Variants in RBKS observed in about 807,000 individuals in gnomAD.
RBKS encodes the protein ribokinase.
In RBKS, 33 loss-of-function variants were observed where a neutral mutation model predicts 33.9. The observed-to-expected ratio is 0.97, with a 90% CI of 0.74 to 1.30. The LOEUF (loss-of-function observed/expected upper bound fraction) is 1.30, where lower values mean the gene tolerates loss of function less well. Among genes scored for constraint, RBKS ranks in the 50% most tolerant of loss-of-function variants. The probability of loss-of-function intolerance (pLI) is 0.00; values close to 1 mark genes in which losing one functional copy is unlikely to be tolerated. For missense variants in RBKS, 361 were observed against 392.6 expected (o/e 0.92, Z 0.68); for synonymous variants, 125 against 143.0 (o/e 0.87, Z 0.90).
intron 7 of RBKS, among the ~76,000 whole-genome samples, chr2:27,819,861 T>C (rs973635030): frequency 6.6e-6 from 1 of 152,206 alleles, no homozygotes; most frequent in African/African-American, 2.4e-5. Flanking sequence ...TGAGGAATGG[T>C]TTCTTTAAAA....
At position 27,781,518 on chromosome 2, in the gene RBKS, A is replaced by G. The variant is rs1401372926; in HGVS notation, c.*97T>C. The G allele has an allele frequency of 1.1e-5, 10 of 933,842 alleles. No homozygotes were observed. Among genetic ancestry groups the G allele is most frequent in the African/African-American group, 6.8e-5 (4 of 59,258 alleles). 57.8% of individuals were successfully genotyped at this position (933,842 alleles called of 1,614,324 possible). A position where few individuals can be genotyped will look rare whatever the true frequency, so the allele number is the denominator to read the frequency against. On this transcript the variant is annotated 3_prime_UTR_variant, in exon 8 of 8. Coordinates refer to ENST00000302188, the MANE Select transcript of RBKS (RefSeq NM_022128.3). ...GTAAAAGAACTAATATTTGCAAAGA[A>G]AGGGGACGAGGACATTTTCTAATAA...
intron 7 of RBKS, among the ~76,000 whole-genome samples, chr2:27,822,077 G>A (rs1678222829): frequency 6.6e-6 from 1 of 152,138 alleles, no homozygotes; most frequent in Admixed American, 6.5e-5. Flanking sequence ...TGATCAGAAA[G>A]AAGGAGATGA....
In RBKS at chr2:27,827,775, A is replaced by G; in HGVS notation, c.607-20T>C. The G allele has an allele frequency of 6.5e-7, 1 of 1,546,334 alleles. No homozygotes were observed. The highest frequency in any genetic ancestry group is 8.7e-7 in the Non-Finnish European group (1 of 1,148,328). ...CTCAGCCTAGAATACACAAAAGTCA[A>G]CAGAAACAGTGGTGAAAATAAGTAA... On this transcript the variant is annotated intron_variant, in intron 6 of 7. Transcript: ENST00000302188.
chr2:27,789,400 C>CT (rs569506674), intron 7 of RBKS, among the ~76,000 whole-genome samples: 6,398 of 130,230 alleles, frequency 0.049, 395 homozygotes, highest in African/African-American at 0.14. Context: ...GATTTTGAAG[C>CT]TTTTTTTTTT....
intron 1 of RBKS, among the ~76,000 whole-genome samples, chr2:27,861,997 C>T (rs1368093613): frequency 7.3e-6 from 1 of 136,212 alleles, no homozygotes. Context: ...GTTGCTGAGG[C>T]TGGAGTGGAA....
intron 1 of RBKS, among the ~76,000 whole-genome samples, chr2:27,863,534 A>G (rs747486220): frequency 2.6e-5 from 4 of 152,248 alleles, no homozygotes; most frequent in Non-Finnish European, 5.9e-5. Flanking sequence ...GTTTTTACAG[A>G]TTCTCAGAGA....
At chr2:27,849,054 A>G (rs1217378036) in intron 2 of RBKS, among the ~76,000 whole-genome samples, 1 of 152,142 alleles carries the variant, frequency 6.6e-6, no homozygotes, top group Non-Finnish European at 1.5e-5. Flanking sequence ...GCTAGAAAGA[A>G]AAGAGAGAAA....
Position 27,849,492 on chromosome 2 carries a change from G to A in RBKS, c.223-1395C>T, listed in dbSNP as rs544717632. ...GTAGAACTGCTTAAACCCAGGAGGCGGAGGTTGCAGTAAGCTGAGATTGTG... is the reference window on the plus strand; with the variant it reads ...GTAGAACTGCTTAAACCCAGGAGGCAGAGGTTGCAGTAAGCTGAGATTGTG... On this transcript the variant is annotated intron_variant, in intron 2 of 7. Transcript: ENST00000302188. Among the ~76,000 whole-genome samples the A allele has an allele frequency of 7.3e-3, 1,067 of 145,508 alleles. 3 individuals carry two copies. Among genetic ancestry groups the A allele is most frequent in the Non-Finnish European group, 0.012 (827 of 67,192 alleles).
chr2:27,876,533 C>T (rs746077308), intron 1 of RBKS, among the ~76,000 whole-genome samples: 1 of 152,072 alleles, frequency 6.6e-6, no homozygotes, highest in Admixed American at 6.5e-5. Context: ...TTCTTGAGGA[C>T]GTTATGCTAA....
rs1384660223 is a variant in RBKS, at chr2:27,801,462, TATACACAC to T, written c.796-19682_796-19675del. On this transcript the variant is annotated intron_variant, in intron 7 of 7. Coordinates refer to ENST00000302188, the MANE Select transcript of RBKS (RefSeq NM_022128.3). ...ACAAATGCTCTCCAAAGGGCCACAG[TATACACAC>T]ACACACACACACACACACACACACA... 8.5e-3 allele frequency among the ~76,000 whole-genome samples: 709 copies of T among 83,072 alleles called. 7 individuals are homozygous for T. Among genetic ancestry groups the T allele is most frequent in the Non-Finnish European group, 0.01 (357 of 35,368 alleles). 54.5% of individuals were successfully genotyped at this position (83,072 alleles called of 152,430 possible).
At chr2:27,833,308 CT>C (rs1167798960) in intron 5 of RBKS, among the ~76,000 whole-genome samples, 1 of 152,074 alleles carries the variant, frequency 6.6e-6, no homozygotes, top group Non-Finnish European at 1.5e-5. Flanking sequence ...CTATGTATGC[CT>C]CCCAAATATA....
At chr2:27,819,571 T>C (rs947850424) in intron 7 of RBKS, among the ~76,000 whole-genome samples, 1 of 152,168 alleles carries the variant, frequency 6.6e-6, no homozygotes, top group Non-Finnish European at 1.5e-5. Context: ...GCATCACCTA[T>C]TGGCCGATCC....
intron 1 of RBKS, among the ~76,000 whole-genome samples, chr2:27,881,302 A>G (rs1386311113): frequency 6.6e-6 from 1 of 152,024 alleles, no homozygotes; most frequent in Non-Finnish European, 1.5e-5. Flanking sequence ...GCACTTTGGG[A>G]GGTTGAGACT....
rs1318662351 is a variant in RBKS, at chr2:27,795,497, G to C, written c.796-13709C>G. Among the ~76,000 whole-genome samples the C allele has an allele frequency of 6.6e-6, 1 of 152,074 alleles. No homozygotes were observed. ...GTAAGGAAGAGAGTGAACTTTTACT[G>C]TTTGCTCCTCATCAAGAGGCAGCAA... On this transcript the variant is annotated intron_variant, in intron 7 of 7. Coordinates refer to ENST00000302188, the MANE Select transcript of RBKS (RefSeq NM_022128.3). The surrounding 1 kb of genome is among the most constrained non-coding windows in gnomAD (Gnocchi z 4.1).
Position 27,798,352 on chromosome 2 carries a change from C to T in RBKS, c.796-16564G>A, listed in dbSNP as rs1166043516. Reference sequence around the variant, plus strand: ...TCTTGCAGGCAACTCTAACTCAACACGGCCGAAATGAACTCAAAACTCTGC... The same window carrying T: ...TCTTGCAGGCAACTCTAACTCAACATGGCCGAAATGAACTCAAAACTCTGC... On this transcript the variant is annotated intron_variant, in intron 7 of 7. Coordinates refer to ENST00000302188, the MANE Select transcript of RBKS (RefSeq NM_022128.3). Among the ~76,000 whole-genome samples the T allele has an allele frequency of 3.3e-5, 5 of 152,254 alleles. No homozygotes were observed. The South Asian group carries it at 8.3e-4, about 25-fold the overall frequency.
chr2:27,888,541 A>C (rs1664600871), intron 1 of RBKS, among the ~76,000 whole-genome samples: 1 of 152,242 alleles, frequency 6.6e-6, no homozygotes, highest in Non-Finnish European at 1.5e-5. Flanking sequence ...TCCTTTATGT[A>C]ACTCAACTTT....
At chr2:27,798,341 C>G (rs1016785136) in intron 7 of RBKS, among the ~76,000 whole-genome samples, 2 of 152,146 alleles carry the variant, frequency 1.3e-5, no homozygotes, top group African/African-American at 4.8e-5. Flanking sequence ...GCAGGCAACT[C>G]TAACTCAACA....
At chr2:27,815,932 C>T (rs12617171) in intron 7 of RBKS, among the ~76,000 whole-genome samples, 27,460 of 152,156 alleles carry the variant, frequency 0.18, 3,869 homozygotes, top group East Asian at 0.63. Context: ...CACTTCCATA[C>T]CCCACTTCTA....
intron 6 of RBKS, among the ~76,000 whole-genome samples, chr2:27,831,782 G>T (rs1336650376): frequency 6.6e-6 from 1 of 152,144 alleles, no homozygotes; most frequent in Non-Finnish European, 1.5e-5. Flanking sequence ...AAAAAAATTA[G>T]CCAAGCGTGG....
Sources: gnomAD v4.1 joint callset for allele counts (sites outside exome capture counted in the v4.1 genomes callset) on GRCh38, gnomAD v4.1.1 for gene constraint, Gnocchi (gnomAD v3.1) non-coding constraint, MANE v1.5 for transcripts, NCBI Gene and HGNC (gene_info 2026-07-23, HGNC 2026-07-21) for gene names.